Variants in CSMD1 observed in about 807,000 individuals in gnomAD.
CSMD1 encodes CUB and Sushi multiple domains 1.
A neutral mutation model predicts 417.5 loss-of-function variants in CSMD1; 213 were observed. The ratio of observed to expected loss-of-function variants is 0.51; its 90% CI spans 0.46 to 0.57. CSMD1 has a LOEUF of 0.57. Among genes scored for constraint, CSMD1 ranks in the 20% least tolerant of loss-of-function variants. The pLI is 0.00. For missense variants in CSMD1, 6,923 were observed against 4,529.7 expected (o/e 1.53, Z -15.17); for synonymous variants, 2,862 against 1,736.8 (o/e 1.65, Z -16.11).
intron 3 of CSMD1, among the ~76,000 whole-genome samples, chr8:4,126,565 T>C (rs1255764924): frequency 6.6e-6 from 1 of 152,178 alleles, no homozygotes; most frequent in Non-Finnish European, 1.5e-5. Flanking sequence ...AATTGTGGGA[T>C]GGAGACTGGG....
intron 5 of CSMD1, among the ~76,000 whole-genome samples, chr8:3,805,668 G>A (rs1338019916): frequency 6.6e-6 from 1 of 152,096 alleles, no homozygotes; most frequent in Non-Finnish European, 1.5e-5. Flanking sequence ...TTGGGTATTT[G>A]ATTGTACTAC....
chr8:3,347,322 A>G (rs1325131769), intron 22 of CSMD1, among the ~76,000 whole-genome samples: 1 of 152,216 alleles, frequency 6.6e-6, no homozygotes, highest in Non-Finnish European at 1.5e-5. Flanking sequence ...AGGAGAGGTG[A>G]AAATTATATC....
At chr8:4,819,678 T>C (rs1799409872) in intron 1 of CSMD1, among the ~76,000 whole-genome samples, 1 of 152,178 alleles carries the variant, frequency 6.6e-6, no homozygotes, top group Admixed American at 6.5e-5. Context: ...CTCAGTCTTT[T>C]GTAAATTCTG....
intron 3 of CSMD1, among the ~76,000 whole-genome samples, chr8:4,257,701 T>G (rs1156410354): frequency 1.3e-5 from 2 of 152,204 alleles, no homozygotes; most frequent in African/African-American, 4.8e-5. Context: ...GATTCTAACG[T>G]CAGTGTCACT....
intron 15 of CSMD1, among the ~76,000 whole-genome samples, chr8:3,403,813 A>G (rs1257125139): frequency 1.3e-5 from 2 of 152,226 alleles, no homozygotes; most frequent in African/African-American, 4.8e-5. Context: ...ACATGTGTAT[A>G]TATTTACTCA....
chr8:4,548,360 T>C (rs1185321351), intron 2 of CSMD1, among the ~76,000 whole-genome samples: 1 of 152,156 alleles, frequency 6.6e-6, no homozygotes, highest in East Asian at 1.9e-4. Flanking sequence ...TCTATCGTAT[T>C]TTGTCGTTCA....
intron 5 of CSMD1, among the ~76,000 whole-genome samples, chr8:3,924,879 G>T (rs1231211780): frequency 6.6e-6 from 1 of 152,002 alleles, no homozygotes; most frequent in Non-Finnish European, 1.5e-5. Context: ...TTAGGGTTTG[G>T]TACTGGTGCT....
At chr8:3,505,251 A>T (rs948948999) in intron 10 of CSMD1, among the ~76,000 whole-genome samples, 1 of 152,236 alleles carries the variant, frequency 6.6e-6, no homozygotes, top group Non-Finnish European at 1.5e-5. Context: ...GAACACTGTT[A>T]GATGCGATAA....
chr8:4,090,643 T>G (rs762299098), intron 3 of CSMD1, among the ~76,000 whole-genome samples: 1 of 152,208 alleles, frequency 6.6e-6, no homozygotes, highest in Non-Finnish European at 1.5e-5. Context: ...GTCCCTGAAC[T>G]TAAGTAATTT....
intron 26 of CSMD1, among the ~76,000 whole-genome samples, chr8:3,246,526 C>T (rs1338241454): frequency 6.6e-6 from 1 of 152,088 alleles, no homozygotes; most frequent in Admixed American, 6.5e-5. Context: ...GGCTGGTGTG[C>T]AGTGACTCAG....
At chr8:3,712,385 A>AGG (rs1801567757) in intron 6 of CSMD1, among the ~76,000 whole-genome samples, 1 of 42,224 alleles carries the variant, frequency 2.4e-5, no homozygotes, top group African/African-American at 7.8e-5. Context: ...GGAGAGAGAG[A>AGG]GAGAGAGAGA....
chr8:3,878,727 G>A (rs867556985), intron 5 of CSMD1, among the ~76,000 whole-genome samples: 1 of 152,238 alleles, frequency 6.6e-6, no homozygotes, highest in African/African-American at 2.4e-5. Context: ...TGTGTCATGG[G>A]AAATATTAGA....
chr8:2,982,620 C>G (rs1444208655), intron 54 of CSMD1, among the ~76,000 whole-genome samples: 4 of 152,200 alleles, frequency 2.6e-5, no homozygotes, highest in African/African-American at 9.6e-5. Flanking sequence ...TAGTAGGTCT[C>G]AGCAAAGCAC....
intron 3 of CSMD1, among the ~76,000 whole-genome samples, chr8:4,052,482 A>T (rs1488458323): frequency 2.6e-5 from 4 of 152,178 alleles, no homozygotes; most frequent in Non-Finnish European, 5.9e-5. Flanking sequence ...ATCTTTACCC[A>T]GGGTCAGAGT....
chr8:3,426,745 C>A (rs1057302751), intron 12 of CSMD1, among the ~76,000 whole-genome samples: 1 of 152,118 alleles, frequency 6.6e-6, no homozygotes, highest in Non-Finnish European at 1.5e-5. Context: ...AAAATGTAGG[C>A]CTGACATAAA....
At chr8:3,031,770 C>G (rs912295692) in intron 50 of CSMD1, among the ~76,000 whole-genome samples, 2 of 151,794 alleles carry the variant, frequency 1.3e-5, no homozygotes, top group African/African-American at 4.8e-5. Flanking sequence ...GTATCAATTT[C>G]CAAGTTCTTC....
intron 1 of CSMD1, among the ~76,000 whole-genome samples, chr8:4,696,481 G>A (rs189731685): frequency 1.5e-4 from 23 of 152,252 alleles, no homozygotes; most frequent in Admixed American, 1.5e-3. Flanking sequence ...CAGAGGGACG[G>A]GAACTTCAGA....
At position 2,938,590 on chromosome 8, in the gene CSMD1, C is replaced by T. The variant is rs764461319; in HGVS notation, c.10690G>A (p.Val3564Ile). The T allele has an allele frequency of 4.3e-6, 7 of 1,611,376 alleles. No homozygotes were observed. Among genetic ancestry groups the T allele is most frequent in the Non-Finnish European group, 5.9e-6 (7 of 1,178,766 alleles). Residue 3564 changes from valine (V) to isoleucine (I), a missense_variant, in exon 70 of 70, where the codon GTA becomes ATA. Val to Ile is a conservative substitution (Grantham distance 29). Transcript: ENST00000635120. ...TCCTGTTGGGGCACTGAGGGCTATA[C>T]CACTGTACAGACTGTGTTCAGAGTT... ...DTTLNTVCTV[V>I]
intron 3 of CSMD1, among the ~76,000 whole-genome samples, chr8:4,032,712 A>C (rs1322377420): frequency 1.3e-5 from 2 of 152,230 alleles, no homozygotes; most frequent in African/African-American, 4.8e-5. Flanking sequence ...GTCCATTTAT[A>C]GTGTCTGATT....
Sources: gnomAD v4.1 joint callset for allele counts (sites outside exome capture counted in the v4.1 genomes callset) on GRCh38, gnomAD v4.1.1 for gene constraint, MANE v1.5 for transcripts, NCBI Gene and HGNC (gene_info 2026-07-23, HGNC 2026-07-21) for gene names.